The following PPM1H variants were observed in gnomAD, a reference collection of about 807,000 sequenced individuals.
PPM1H encodes the protein protein phosphatase 1H.
PPM1H carries 27 observed loss-of-function variants against 54.9 expected under a neutral mutation model. The observed-to-expected ratio is 0.49, with a 90% CI of 0.36 to 0.68. The LOEUF is 0.68. PPM1H is among the 30% of genes least tolerant of loss of function. The pLI is 0.00. For synonymous variants in PPM1H, 305 were observed against 270.8 expected (o/e 1.13, Z -1.24); for missense variants, 596 against 667.8 (o/e 0.89, Z 1.19).
intron 4 of PPM1H, among the ~76,000 whole-genome samples, chr12:62,749,368 C>T (rs567994935): frequency 6.6e-6 from 1 of 152,156 alleles, no homozygotes; most frequent in African/African-American, 2.4e-5. Context: ...TTCGGAAAAC[C>T]CTTTTTGACA....
In PPM1H at chr12:62,646,681, A is replaced by G. The variant is rs1295526179; in HGVS notation, c.*1808T>C. ...TGAAGACAACTCCTGACAAGGCCGA[A>G]GTCCCATTCTTCCCAGGCCAACACT... On this transcript the variant is annotated 3_prime_UTR_variant, in exon 10 of 10. Coordinates refer to ENST00000228705, the MANE Select transcript of PPM1H (RefSeq NM_020700.2). The G allele has an allele frequency of 6.6e-6, 1 of 152,290 alleles. No homozygotes were observed. Among genetic ancestry groups the G allele is most frequent in the Non-Finnish European group, 1.5e-5 (1 of 68,076 alleles). The allele number at this position is 152,290 out of a possible 1,614,324, so 9.4% of individuals were successfully genotyped here. A position where few individuals can be genotyped will look rare whatever the true frequency, so the allele number is the denominator to read the frequency against.
In PPM1H at chr12:62,817,805, C is replaced by T. The variant is rs138514098; in HGVS notation, c.411+14309G>A. ...TCATGTTCCTTTTGCCTTTCCCTGC[C>T]CCATTTTGATCCTATTTGCCTGGAG... is the stretch of plus-strand genomic sequence containing the variant. On this transcript the variant is annotated intron_variant, in intron 2 of 9. Transcript: ENST00000228705. Among the ~76,000 whole-genome samples the T allele has an allele frequency of 3.9e-3, 589 of 152,214 alleles. 6 individuals carry two copies. Among genetic ancestry groups the T allele is most frequent in the African/African-American group, 0.013 (547 of 41,532 alleles).
intron 2 of PPM1H, among the ~76,000 whole-genome samples, chr12:62,830,904 A>G (rs1182470284): frequency 6.6e-6 from 1 of 152,052 alleles, no homozygotes; most frequent in Non-Finnish European, 1.5e-5. Flanking sequence ...CCCAGGCTGG[A>G]GTGCAGTGGC....
intron 5 of PPM1H, among the ~76,000 whole-genome samples, chr12:62,728,712 G>A (rs1433462974): frequency 6.6e-6 from 1 of 152,100 alleles, no homozygotes; most frequent in East Asian, 1.9e-4. Flanking sequence ...GGCTCAGGGA[G>A]AGTTTCGAGC....
chr12:62,900,478 A>T (rs1372423229), intron 1 of PPM1H, among the ~76,000 whole-genome samples: 1 of 151,914 alleles, frequency 6.6e-6, no homozygotes, highest in Non-Finnish European at 1.5e-5. Context: ...TGGCACATGT[A>T]TACATATGTA....
chr12:62,903,409 G>T (rs1871215804), intron 1 of PPM1H, among the ~76,000 whole-genome samples: 1 of 152,156 alleles, frequency 6.6e-6, no homozygotes, highest in Non-Finnish European at 1.5e-5. Context: ...GTTATTTTAA[G>T]ACTTCCACCC....
intron 2 of PPM1H, among the ~76,000 whole-genome samples, chr12:62,802,965 C>T (rs927178535): frequency 6.6e-5 from 10 of 151,636 alleles, no homozygotes; most frequent in Admixed American, 6.6e-4. Flanking sequence ...CGCCCTTTCT[C>T]AGGTTTTCCA....
chr12:62,732,267 A>T (rs1259221313), intron 5 of PPM1H, among the ~76,000 whole-genome samples: 2 of 152,208 alleles, frequency 1.3e-5, no homozygotes, highest in Non-Finnish European at 2.9e-5. Context: ...CACATTACCC[A>T]GAGAGCCACA....
At chr12:62,880,516 C>G (rs1185791898) in intron 1 of PPM1H, among the ~76,000 whole-genome samples, 1 of 152,202 alleles carries the variant, frequency 6.6e-6, no homozygotes, top group Non-Finnish European at 1.5e-5. Flanking sequence ...CACACTTATA[C>G]ACTTGAGGGG....
chr12:62,876,138 G>T (rs1405749740), intron 1 of PPM1H, among the ~76,000 whole-genome samples: 1 of 152,196 alleles, frequency 6.6e-6, no homozygotes, highest in Non-Finnish European at 1.5e-5. Flanking sequence ...ATCAGGATCT[G>T]ATAATCTGTA....
chr12:62,884,005 A>G (rs763735972), intron 1 of PPM1H, among the ~76,000 whole-genome samples: 20 of 152,154 alleles, frequency 1.3e-4, no homozygotes, highest in African/African-American at 4.1e-4. Context: ...GATGAGAACA[A>G]ACAGACAAAA....
chr12:62,790,545 C>T (rs897575828), intron 3 of PPM1H, among the ~76,000 whole-genome samples: 3 of 152,000 alleles, frequency 2.0e-5, no homozygotes, highest in Admixed American at 6.6e-5. Flanking sequence ...GTGCTTTAGC[C>T]GGGGTGACAG....
chr12:62,810,224 A>C (rs923298712), intron 2 of PPM1H, among the ~76,000 whole-genome samples: 3 of 152,230 alleles, frequency 2.0e-5, no homozygotes, highest in African/African-American at 7.2e-5. Context: ...TGGTAAAACC[A>C]ATAGAATATC....
intron 1 of PPM1H, among the ~76,000 whole-genome samples, chr12:62,910,604 A>G (rs532448679): frequency 1.1e-4 from 16 of 152,272 alleles, no homozygotes; most frequent in African/African-American, 3.6e-4. Context: ...TTTTATGTCT[A>G]TATCCTTTTG....
chr12:62,878,626 TAAAAAAA>T (rs34587900), intron 1 of PPM1H, among the ~76,000 whole-genome samples: 104 of 81,582 alleles, frequency 1.3e-3, no homozygotes, highest in African/African-American at 4.6e-3. Context: ...TGATTACGCT[TAAAAAAA>T]AAAAAAAAAA....
intron 4 of PPM1H, among the ~76,000 whole-genome samples, chr12:62,746,942 A>C (rs59100965): frequency 0.015 from 2,331 of 152,088 alleles, 64 homozygotes; most frequent in African/African-American, 0.054. Flanking sequence ...ACGAGTAACA[A>C]ATTCTTTCTT....
chr12:62,670,807 C>T (rs1008333480), intron 8 of PPM1H, among the ~76,000 whole-genome samples: 9 of 152,316 alleles, frequency 5.9e-5, no homozygotes, highest in African/African-American at 2.2e-4. Flanking sequence ...AAGCTGGTCA[C>T]AACCCTGGTC....
At position 62,694,947 on chromosome 12, in the gene PPM1H, A is replaced by G. The variant is rs547165253; in HGVS notation, c.1074-948T>C. 4.6e-5 allele frequency among the ~76,000 whole-genome samples: 7 copies of G among 152,324 alleles called. No individual in the cohort carries two copies. The South Asian group carries it at 1.0e-3, about 23-fold the overall frequency. On this transcript the variant is annotated intron_variant, in intron 6 of 9. Coordinates refer to ENST00000228705, the MANE Select transcript of PPM1H (RefSeq NM_020700.2). Reference sequence around the variant, plus strand: ...TGGGGATAACACTGCTCATAACTTCAAAGTTATTTAAAAGACTAAGTAAAA... The same window carrying G: ...TGGGGATAACACTGCTCATAACTTCGAAGTTATTTAAAAGACTAAGTAAAA...
intron 1 of PPM1H, among the ~76,000 whole-genome samples, chr12:62,873,021 T>A (rs1032914624): frequency 1.3e-5 from 2 of 152,214 alleles, no homozygotes; most frequent in Non-Finnish European, 2.9e-5. Flanking sequence ...ACTACTTTTT[T>A]AATTTCTATT....
Sources: allele counts gnomAD v4.1 joint callset (sites outside exome capture counted in the v4.1 genomes callset), GRCh38; gene constraint gnomAD v4.1.1; transcripts MANE v1.5; gene names NCBI Gene and HGNC (gene_info 2026-07-23, HGNC 2026-07-21).